THSD7A: variants seen among roughly 807,000 people sequenced by gnomAD.
THSD7A encodes thrombospondin type 1 domain containing 7A, also known as thrombospondin type-1 domain-containing protein 7A.
Under a neutral mutation model 231.3 loss-of-function variants are expected in THSD7A, and 96 were observed. The ratio of observed to expected loss-of-function variants is 0.41; its 90% confidence interval spans 0.35 to 0.49. The LOEUF is 0.49. THSD7A is among the 20% of genes least tolerant of loss of function. THSD7A has a pLI of 0.05. For synonymous variants in THSD7A, 940 were observed against 743.3 expected, an observed-to-expected ratio of 1.26 and a Z score of -4.30; for missense variants, 2,290 against 2,070.2, an observed-to-expected ratio of 1.11 and a Z score of -2.06.
At chr7:11,512,111 A>G (rs1787834912) in intron 6 of THSD7A, among the ~76,000 whole-genome samples, 1 of 152,204 alleles carries the variant, frequency 6.6e-6, no homozygotes, top group African/African-American at 2.4e-5. Flanking sequence ...AACCCCATCA[A>G]AAAGTAGGCG....
At chr7:11,475,381 C>T (rs1786117896) in intron 7 of THSD7A, among the ~76,000 whole-genome samples, 1 of 151,750 alleles carries the variant, frequency 6.6e-6, no homozygotes, top group African/African-American at 2.4e-5. Context: ...GCAGCACAGC[C>T]CCACCTCCCG....
At chr7:11,531,909 T>C (rs1279913461) in intron 6 of THSD7A, among the ~76,000 whole-genome samples, 1 of 152,146 alleles carries the variant, frequency 6.6e-6, no homozygotes, top group Non-Finnish European at 1.5e-5. Flanking sequence ...ATTCAGTATG[T>C]CCACAAATTC....
intron 2 of THSD7A, among the ~76,000 whole-genome samples, chr7:11,601,545 A>G (rs1780553698): frequency 6.6e-6 from 1 of 152,168 alleles, no homozygotes; most frequent in African/African-American, 2.4e-5. Context: ...CTTGTGGGAA[A>G]TAAAGCTTTT....
rs536177295 is a variant in THSD7A, at chr7:11,831,843, AGCAGCGGCAGCG to A, written c.92_103del (p.Pro31_Leu34del). The stretch of plus-strand genomic sequence containing the variant: ...GCCCGGGCGTAGCAGCAGCAGCAGG[AGCAGCGGCAGCG>A]GCAGCGGCAGCGGCAGCAGCTGCAG... On this transcript the variant is annotated inframe_deletion, in exon 1 of 28. Coordinates refer to ENST00000423059, the MANE Select transcript of THSD7A (RefSeq NM_015204.3). The surrounding 1 kb of genome is among the most constrained non-coding windows in gnomAD (Gnocchi z 5.0). 0.021 allele frequency: 28,273 copies of A among 1,359,858 alleles called. 469 individuals are homozygous for A. The highest frequency in any genetic ancestry group is 0.063 in the South Asian group (3,039 of 48,354). The allele number at this position is 1,359,858 out of a possible 1,614,324, so 84.2% of individuals were successfully genotyped here.
intron 1 of THSD7A, among the ~76,000 whole-genome samples, chr7:11,745,579 T>C (rs975290234): frequency 2.0e-5 from 3 of 152,148 alleles, no homozygotes; most frequent in Non-Finnish European, 2.9e-5. Context: ...TGGTTTTAGG[T>C]CTAAAATTTA....
At chr7:11,594,523 A>G (rs925192373) in intron 2 of THSD7A, among the ~76,000 whole-genome samples, 4 of 152,178 alleles carry the variant, frequency 2.6e-5, no homozygotes, top group African/African-American at 9.7e-5. Context: ...GTTATGCAAA[A>G]TAAATGCATT....
chr7:11,504,666 T>C (rs1787472140), intron 6 of THSD7A, among the ~76,000 whole-genome samples: 1 of 152,154 alleles, frequency 6.6e-6, no homozygotes, highest in Admixed American at 6.6e-5. Flanking sequence ...ATTGAATATG[T>C]TTGAGAGTTA....
chr7:11,476,318 T>TACACACACAC lies in THSD7A; in HGVS notation c.2018-1760_2018-1751dup, dbSNP rs59127235. On this transcript the variant is annotated intron_variant, in intron 7 of 27. Coordinates refer to ENST00000423059, the MANE Select transcript of THSD7A (RefSeq NM_015204.3). The stretch of plus-strand genomic sequence containing the variant: ...AACCAGAAGTCAAGCCTCTGGAAGA[T>TACACACACAC]ACACACACACACACACACACACACA... 4.6e-3 allele frequency among the ~76,000 whole-genome samples: 629 copies of TACACACACAC among 137,392 alleles called. 6 individuals are homozygous for TACACACACAC. The highest frequency in any genetic ancestry group is 5.1e-3 in the Non-Finnish European group (325 of 63,194). The allele number at this position is 137,392 out of a possible 152,430, so 90.1% of individuals were successfully genotyped here. A position where few individuals can be genotyped will look rare whatever the true frequency, so the allele number is the denominator to read the frequency against.
Position 11,744,877 on chromosome 7 carries a change from G to C in THSD7A, c.190+86880C>G, listed in dbSNP as rs13312263. Reference sequence around the variant, plus strand: ...TTTGGCTTGGTTCCAAGTCTTTGCTGTTGTGAGTAGTGCCACAATAAGCAC... The same window carrying C: ...TTTGGCTTGGTTCCAAGTCTTTGCTCTTGTGAGTAGTGCCACAATAAGCAC... On this transcript the variant is annotated intron_variant, in intron 1 of 27. Transcript: ENST00000423059. 2.6e-5 allele frequency among the ~76,000 whole-genome samples: 4 copies of C among 151,976 alleles called. No individual in the cohort carries two copies. In the East Asian group the frequency reaches 7.8e-4, roughly 29 times the overall value.
intron 1 of THSD7A, among the ~76,000 whole-genome samples, chr7:11,733,524 T>TAG (rs1781807166): frequency 6.6e-6 from 1 of 151,836 alleles, no homozygotes; most frequent in African/African-American, 2.4e-5. Flanking sequence ...TGTTTTGAGG[T>TAG]AGAGAAAAGT....
At chr7:11,786,979 T>C (rs1022559012) in intron 1 of THSD7A, among the ~76,000 whole-genome samples, 3 of 151,848 alleles carry the variant, frequency 2.0e-5, no homozygotes, top group African/African-American at 7.3e-5. Context: ...CTCTAAAGAG[T>C]TCATATAAAT....
chr7:11,481,214 T>C (rs1236693944), intron 7 of THSD7A, among the ~76,000 whole-genome samples: 2 of 152,066 alleles, frequency 1.3e-5, no homozygotes, highest in Non-Finnish European at 2.9e-5. Context: ...ATTCACCCTA[T>C]AGGGTGAAGA....
At chr7:11,380,707 A>T (rs1782478009) in intron 24 of THSD7A, among the ~76,000 whole-genome samples, 2 of 152,194 alleles carry the variant, frequency 1.3e-5, no homozygotes, top group East Asian at 3.9e-4. Flanking sequence ...ATTGATCAAG[A>T]TAGGTAATAT....
chr7:11,758,757 T>C (rs1782763960), intron 1 of THSD7A, among the ~76,000 whole-genome samples: 2 of 152,072 alleles, frequency 1.3e-5, no homozygotes, highest in African/African-American at 4.8e-5. Context: ...CTTAAACTAG[T>C]GGTTATCAAA....
chr7:11,510,869 G>A (rs533107801), intron 6 of THSD7A, among the ~76,000 whole-genome samples: 22 of 152,140 alleles, frequency 1.4e-4, no homozygotes, highest in African/African-American at 5.3e-4. Flanking sequence ...TTTGAAAACT[G>A]GCACAAGACA....
chr7:11,376,467 G>T, intron 27 of THSD7A, 103 bp downstream of exon 27: 2 of 865,984 alleles, frequency 2.3e-6, no homozygotes, highest in Non-Finnish European at 3.4e-6. Flanking sequence ...AGAAATTCAT[G>T]TGAACACCAG....
At chr7:11,536,200 G>T (rs910070965) in intron 6 of THSD7A, among the ~76,000 whole-genome samples, 1 of 152,102 alleles carries the variant, frequency 6.6e-6, no homozygotes, top group Non-Finnish European at 1.5e-5. Context: ...AAGTGGCAGC[G>T]GACTGGAAAA....
chr7:11,429,157 T>G lies in THSD7A; in HGVS notation c.3065-32A>C, dbSNP rs773221565. On this transcript the variant is annotated intron_variant, in intron 13 of 27. Transcript: ENST00000423059. ...AGAGGAAAATGAGACAAGAATCATC[T>G]CCTCCACCTGTCACTCTCCCATTAC... The G allele has an allele frequency of 2.0e-6, 3 of 1,529,394 alleles. No homozygotes were observed. In the East Asian group the frequency reaches 7.0e-5, roughly 36 times the overall value. The allele number at this position is 1,529,394 out of a possible 1,614,324, so 94.7% of individuals were successfully genotyped here.
intron 4 of THSD7A, among the ~76,000 whole-genome samples, chr7:11,563,305 C>G (rs15): frequency 6.6e-6 from 1 of 152,078 alleles, no homozygotes; most frequent in South Asian, 2.1e-4. Context: ...GTATTTAATG[C>G]GCTTCAAAGC....
Sources: allele counts gnomAD v4.1 joint callset (sites outside exome capture counted in the v4.1 genomes callset), GRCh38; gene constraint gnomAD v4.1.1; non-coding constraint Gnocchi (gnomAD v3.1); transcripts MANE v1.5; gene names NCBI Gene and HGNC (gene_info 2026-07-23, HGNC 2026-07-21).